The following MAGI2 variants were observed in gnomAD, a reference collection of about 807,000 sequenced individuals.
MAGI2 encodes membrane-associated guanylate kinase, WW and PDZ domain-containing protein 2.
Under a neutral mutation model 133.3 loss-of-function variants are expected in MAGI2, and 35 were observed. That is an observed-to-expected ratio of 0.26 (90% CI 0.20 to 0.35). The LOEUF (loss-of-function observed/expected upper bound fraction) is 0.35. MAGI2 is among the 10% of genes least tolerant of loss of function. The pLI, the probability that MAGI2 is intolerant of heterozygous loss-of-function variation, is 1.00. For synonymous variants in MAGI2, 729 were observed against 710.6 expected (o/e 1.03, Z -0.41); for missense variants, 1,636 against 1,863.4 (o/e 0.88, Z 2.25).
chr7:78,994,687 G>C (rs2116375464), intron 2 of MAGI2, among the ~76,000 whole-genome samples: 1 of 152,110 alleles, frequency 6.6e-6, no homozygotes, highest in South Asian at 2.1e-4. Flanking sequence ...TAGCTATGTG[G>C]GTTTGGGGAA....
chr7:79,304,573 T>A (rs1388981760), intron 1 of MAGI2, among the ~76,000 whole-genome samples: 1 of 152,154 alleles, frequency 6.6e-6, no homozygotes, highest in African/African-American at 2.4e-5. Context: ...AGAGTGATTG[T>A]GTAGATAAGC....
intron 6 of MAGI2, among the ~76,000 whole-genome samples, chr7:78,439,245 T>C (rs1034163202): frequency 6.6e-6 from 1 of 152,160 alleles, no homozygotes; most frequent in Admixed American, 6.6e-5. Context: ...TCAGTCACTG[T>C]TTCAACAATC....
intron 1 of MAGI2, among the ~76,000 whole-genome samples, chr7:79,047,605 T>C (rs1812299656): frequency 2.0e-5 from 3 of 152,216 alleles, no homozygotes; most frequent in South Asian, 4.1e-4. Flanking sequence ...AAAACCTCTA[T>C]TGAGTTGATA....
chr7:79,015,930 C>T (rs1417808689), intron 1 of MAGI2, among the ~76,000 whole-genome samples: 1 of 141,594 alleles, frequency 7.1e-6, no homozygotes, highest in South Asian at 2.2e-4. Flanking sequence ...GATACTGGGT[C>T]AAAGGGGCAG....
intron 3 of MAGI2, among the ~76,000 whole-genome samples, chr7:78,525,567 T>C (rs1049006020): frequency 1.3e-5 from 2 of 152,212 alleles, no homozygotes; most frequent in African/African-American, 4.8e-5. Context: ...GAAGTGCCTA[T>C]ATGCATAGTG....
At chr7:78,657,736 C>T (rs1023678805) in intron 2 of MAGI2, among the ~76,000 whole-genome samples, 1 of 152,116 alleles carries the variant, frequency 6.6e-6, no homozygotes, top group Non-Finnish European at 1.5e-5. Flanking sequence ...ATGGTGAATA[C>T]GTGGTTACTA....
intron 14 of MAGI2, among the ~76,000 whole-genome samples, chr7:78,172,204 A>C (rs3807679): frequency 0.11 from 17,391 of 152,210 alleles, 1,020 homozygotes; most frequent in East Asian, 0.18. Flanking sequence ...ACACAAACCC[A>C]AAACCACCTT....
chr7:78,115,569 CA>C (rs1344434613), intron 20 of MAGI2, among the ~76,000 whole-genome samples: 1 of 151,980 alleles, frequency 6.6e-6, no homozygotes, highest in Admixed American at 6.6e-5. Context: ...AACTTTAAAG[CA>C]AAAAGCATTG....
At chr7:78,558,549 C>G (rs1252657139) in intron 3 of MAGI2, among the ~76,000 whole-genome samples, 1 of 152,158 alleles carries the variant, frequency 6.6e-6, no homozygotes, top group Non-Finnish European at 1.5e-5. Flanking sequence ...ACTTTTGACT[C>G]TGCAAGGTGT....
intron 21 of MAGI2, among the ~76,000 whole-genome samples, chr7:78,071,566 C>T (rs567266471): frequency 1.3e-5 from 2 of 152,306 alleles, no homozygotes; most frequent in African/African-American, 4.8e-5. Context: ...AAGCCCCTGT[C>T]TCTGGCTCCA....
At chr7:78,982,086 C>A (rs188278922) in intron 2 of MAGI2, among the ~76,000 whole-genome samples, 2 of 151,750 alleles carry the variant, frequency 1.3e-5, no homozygotes, top group Non-Finnish European at 2.9e-5. Flanking sequence ...CTTCTGGCGA[C>A]GGGGCTTTAA....
At chr7:78,656,032 C>T (rs1361970085) in intron 2 of MAGI2, among the ~76,000 whole-genome samples, 1 of 148,866 alleles carries the variant, frequency 6.7e-6, no homozygotes, top group African/African-American at 2.5e-5. Context: ...ATTGCTATTG[C>T]ACTTGAGGGA....
At chr7:78,429,879 A>G (rs1799629740) in intron 6 of MAGI2, among the ~76,000 whole-genome samples, 1 of 152,144 alleles carries the variant, frequency 6.6e-6, no homozygotes. Flanking sequence ...TTTATAGATC[A>G]AGAAATCGAG....
intron 2 of MAGI2, among the ~76,000 whole-genome samples, chr7:78,691,622 T>C (rs184264747): frequency 2.0e-5 from 3 of 152,252 alleles, no homozygotes; most frequent in African/African-American, 7.2e-5. Context: ...TGCAAGAAGT[T>C]TAGCTTGACC....
chr7:79,413,352 G>A (rs1222901428), intron 1 of MAGI2: 1 of 152,058 alleles, frequency 6.6e-6, no homozygotes, highest in East Asian at 1.9e-4. Flanking sequence ...AAGTGCAATG[G>A]AAAGTCCTGC....
At chr7:79,021,701 A>G (rs117584199) in intron 1 of MAGI2, among the ~76,000 whole-genome samples, 5,156 of 152,232 alleles carry the variant, frequency 0.034, 117 homozygotes, top group Non-Finnish European at 0.049. Flanking sequence ...TCTTGCTTCA[A>G]ATGAAACTTT....
chr7:78,352,180 C>T (rs539708713), intron 7 of MAGI2, among the ~76,000 whole-genome samples: 1 of 152,088 alleles, frequency 6.6e-6, no homozygotes, highest in Non-Finnish European at 1.5e-5. Context: ...TGACTAGACA[C>T]TATGGTTGAT....
chr7:79,091,178 T>C (rs1305050058), intron 1 of MAGI2, among the ~76,000 whole-genome samples: 2 of 152,080 alleles, frequency 1.3e-5, no homozygotes, highest in Non-Finnish European at 2.9e-5. Flanking sequence ...GATTTTTCAG[T>C]GTTGATTACG....
intron 6 of MAGI2, 122 bp from the exon 7 acceptor site, chr7:78,369,335 G>A (rs1793694066): frequency 3.1e-6 from 2 of 653,376 alleles, no homozygotes; most frequent in South Asian, 2.3e-5. Flanking sequence ...AGCATTCAGA[G>A]TCAGCAGCAA....
Sources: gnomAD v4.1 joint callset for allele counts (sites outside exome capture counted in the v4.1 genomes callset) on GRCh38, gnomAD v4.1.1 for gene constraint, MANE v1.5 for transcripts, NCBI Gene and HGNC (gene_info 2026-07-23, HGNC 2026-07-21) for gene names.